Variants in COG4 observed in about 807,000 individuals in gnomAD.
COG4 encodes conserved oligomeric Golgi complex subunit 4.
A neutral mutation model predicts 95.1 loss-of-function variants in COG4; 65 were observed. The observed-to-expected ratio is 0.68, with a 90% CI of 0.56 to 0.84. The LOEUF is 0.84. Among genes scored for constraint, COG4 ranks in the 40% least tolerant of loss-of-function variants. The pLI is 0.00. For synonymous variants in COG4, 421 were observed against 374.8 expected (o/e 1.12, Z -1.42); for missense variants, 1,045 against 989.1 (o/e 1.06, Z -0.76).
chr16:70,506,618 C>CAAAACA (rs2049578743), intron 8 of COG4, among the ~76,000 whole-genome samples: 1 of 59,910 alleles, frequency 1.7e-5, no homozygotes, highest in Non-Finnish European at 2.9e-5. Flanking sequence ...AAAAAAAAAA[C>CAAAACA]AAAAAAAAAA....
intron 6 of COG4, 29 bp downstream of exon 6, chr16:70,509,887 G>C (rs1334388661): frequency 6.5e-7 from 1 of 1,530,500 alleles, no homozygotes. Flanking sequence ...ACAGTCTCCA[G>C]TCTCTCTAGA....
chr16:70,520,619 T>C (rs1166091169), intron 1 of COG4, among the ~76,000 whole-genome samples: 2 of 146,188 alleles, frequency 1.4e-5, no homozygotes, highest in Non-Finnish European at 3.0e-5. Context: ...GTAACAAGAG[T>C]GAAACGCTGT....
At chr16:70,515,686 A>ATCAG (rs2049806916) in intron 3 of COG4, among the ~76,000 whole-genome samples, 1 of 152,044 alleles carries the variant, frequency 6.6e-6, no homozygotes, top group African/African-American at 2.4e-5. Flanking sequence ...CTGTCTCAAA[A>ATCAG]TCAATCAATC....
chr16:70,508,707 T>G (rs180946015), intron 7 of COG4: 1 of 648,442 alleles, frequency 1.5e-6, no homozygotes, highest in Non-Finnish European at 2.8e-6. Flanking sequence ...GGTGTTCCAA[T>G]AGACTACTGT....
chr16:70,521,699 ATT>A (rs566000095), intron 1 of COG4, among the ~76,000 whole-genome samples: 68 of 133,808 alleles, frequency 5.1e-4, no homozygotes, highest in South Asian at 6.9e-4. Flanking sequence ...AAGATACTAA[ATT>A]TTTTTTTTTT....
chr16:70,509,100 G>A (rs2049642605), intron 7 of COG4, 131 bp downstream of exon 7: 4 of 1,138,210 alleles, frequency 3.5e-6, no homozygotes, highest in Non-Finnish European at 3.9e-6. Flanking sequence ...ATGCAGGCCA[G>A]TGTGCGCTTA....
intron 7 of COG4, 187 bp downstream of exon 7, chr16:70,509,044 C>G (rs1250368991): frequency 2.8e-6 from 2 of 710,750 alleles, no homozygotes; most frequent in Admixed American, 2.2e-5. Context: ...AGGCCATCAT[C>G]ATCTCGACAA....
intron 13 of COG4, among the ~76,000 whole-genome samples, 182 bp from the exon 14 acceptor site, chr16:70,484,151 TG>T (rs1175641502): frequency 6.6e-6 from 1 of 152,212 alleles, no homozygotes; most frequent in Non-Finnish European, 1.5e-5. Flanking sequence ...CTCTGTAATA[TG>T]GGGGTACCAA....
chr16:70,515,840 A>T (rs1356016960), intron 3 of COG4: 1 of 330,244 alleles, frequency 3.0e-6, no homozygotes, highest in Non-Finnish European at 5.9e-6. Flanking sequence ...TTGTTTTTTT[A>T]AAAAATTTTT....
At chr16:70,516,111 G>T in intron 3 of COG4, 2 of 453,434 alleles carry the variant, frequency 4.4e-6, no homozygotes, top group Non-Finnish European at 8.9e-6. Context: ...TGTGTTTTTT[G>T]TCCTTTTTTC....
rs76220475 is a variant in COG4, at chr16:70,495,871, C to T, written c.1647+395G>A. 6.7e-3 allele frequency among the ~76,000 whole-genome samples: 1,015 copies of T among 152,288 alleles called. 18 individuals carry two copies. The highest frequency in any genetic ancestry group is 0.023 in the African/African-American group (963 of 41,572). ...ACTAGCAGAGCAGTGATGGCAGGCC[C>T]GAAGGACTGGCGCCTGCCCATGCTG... On this transcript the variant is annotated intron_variant, in intron 12 of 18. Transcript: ENST00000323786.
At chr16:70,511,618 CAGG>C (rs1352866180) in intron 5 of COG4, among the ~76,000 whole-genome samples, 2 of 151,568 alleles carry the variant, frequency 1.3e-5, no homozygotes, top group African/African-American at 4.8e-5. Flanking sequence ...GAGGCTGAGG[CAGG>C]AGGATTGCTT....
chr16:70,521,470 C>A (rs1166035380), intron 1 of COG4, among the ~76,000 whole-genome samples: 1 of 152,074 alleles, frequency 6.6e-6, no homozygotes, highest in Non-Finnish European at 1.5e-5. Flanking sequence ...GATCCACCCG[C>A]CTCGGCCTCC....
In COG4 at chr16:70,509,307, T is replaced by C. The variant is rs2049648397; in HGVS notation, c.926A>G (p.Tyr309Cys). The C allele has an allele frequency of 4.3e-6, 7 of 1,614,104 alleles. No homozygotes were observed. The highest frequency in any genetic ancestry group is 5.9e-6 in the Non-Finnish European group (7 of 1,180,056). ...GPGRLYTLIK[Y>C]LQVECDRQVE... ...CTGTCTGTCACATTCCACCTGCAGA[T>C]ATTTGATCAGGGTATAGAGTCTCCC... The change falls in exon 7 of 19, where the codon TAT (tyrosine) becomes TGT (cysteine). Residue 309 changes from tyrosine to cysteine, a missense_variant. Transcript: ENST00000323786.
rs2049727501 is a variant in COG4, at chr16:70,512,413, G to T, written c.564C>A (p.Asn188Lys). 6.2e-7 allele frequency: 1 copy of T among 1,613,902 alleles called. No individual in the cohort carries two copies. Among genetic ancestry groups the T allele is most frequent in the African/African-American group, 1.3e-5 (1 of 74,902 alleles). ...QGKEGSMIDA[N>K]LKLLQEAEQR... Reference sequence around the variant, plus strand: ...GCTCAGCTTCCTGCAGCAATTTCAGGTTGGCATCAATCATGCTCCCTGCTC... The same window carrying T: ...GCTCAGCTTCCTGCAGCAATTTCAGTTTGGCATCAATCATGCTCCCTGCTC... Residue 188 changes from asparagine (N) to lysine (K), a missense_variant, in exon 5 of 19, where the codon AAC becomes AAA. Coordinates refer to ENST00000323786, the MANE Select transcript of COG4 (RefSeq NM_015386.3).
chr16:70,481,584 T>C, intron 17 of COG4, 97 bp from the exon 18 acceptor site: 1 of 1,567,910 alleles, frequency 6.4e-7, no homozygotes. Flanking sequence ...CCGCCAGGCC[T>C]CAGGTGGTGC....
intron 9 of COG4, among the ~76,000 whole-genome samples, chr16:70,500,599 A>G (rs1160943379): frequency 6.6e-6 from 1 of 151,102 alleles, no homozygotes; most frequent in Non-Finnish European, 1.5e-5. Context: ...GACCTCCGGT[A>G]ATCCACCCGC....
At chr16:70,498,273 T>C (rs912869520) in intron 9 of COG4, among the ~76,000 whole-genome samples, 1 of 143,098 alleles carries the variant, frequency 7.0e-6, no homozygotes, top group East Asian at 1.9e-4. Flanking sequence ...TTCATGACTA[T>C]GTGGCATTTC....
In COG4 at chr16:70,498,873, A is replaced by C. The variant is rs185896629; in HGVS notation, c.1196-818T>G. On this transcript the variant is annotated intron_variant, in intron 9 of 18. Transcript: ENST00000323786. ...AAGATAAAAATATATTGGATATAGA[A>C]TATTTCATTCTCTACACCAGTACTG... is the stretch of plus-strand genomic sequence containing the variant. Among the ~76,000 whole-genome samples, 178 of 152,322 alleles carry C rather than the reference A, an allele frequency of 1.2e-3. 2 individuals carry two copies. The highest frequency in any genetic ancestry group is 0.012 in the Admixed American group (177 of 15,292).
Sources: allele counts gnomAD v4.1 joint callset (sites outside exome capture counted in the v4.1 genomes callset), GRCh38; gene constraint gnomAD v4.1.1; transcripts MANE v1.5; gene names NCBI Gene and HGNC (gene_info 2026-07-23, HGNC 2026-07-21).